NTM: variants seen among roughly 807,000 people sequenced by gnomAD.
NTM encodes neurotrimin, also known as IgLON family member 2.
NTM carries 13 observed loss-of-function variants against 42.1 expected under a neutral mutation model. The observed-to-expected ratio is 0.31, with a 90% confidence interval of 0.20 to 0.49. The LOEUF (loss-of-function observed/expected upper bound fraction) is 0.49, where lower values mean the gene tolerates loss of function less well. Ranked by LOEUF, NTM falls within the 20% of genes least tolerant of loss-of-function variation. The pLI, the probability that NTM is intolerant of heterozygous loss-of-function variation, is 0.99. For synonymous variants in NTM, 187 were observed against 179.2 expected, an observed-to-expected ratio of 1.04 and a Z score of -0.35; for missense variants, 373 against 452.8, an observed-to-expected ratio of 0.82 and a Z score of 1.60.
intron 1 of NTM, among the ~76,000 whole-genome samples, chr11:131,701,369 A>G (rs1388156361): frequency 6.6e-6 from 1 of 152,210 alleles, no homozygotes; most frequent in Non-Finnish European, 1.5e-5. Flanking sequence ...AGGACAGTAT[A>G]TGTTATTCCT....
intron 2 of NTM, among the ~76,000 whole-genome samples, chr11:132,022,284 T>C (rs2135535492): frequency 6.6e-6 from 1 of 152,336 alleles, no homozygotes; most frequent in Middle Eastern, 3.4e-3. Flanking sequence ...ACTGGAATGG[T>C]TGATTTTGTC....
chr11:132,083,299 G>C (rs1399893198), intron 2 of NTM, among the ~76,000 whole-genome samples: 2 of 152,142 alleles, frequency 1.3e-5, no homozygotes, highest in African/African-American at 2.4e-5. Flanking sequence ...CCTTATTTTT[G>C]TTAAAAACAA....
At chr11:131,824,113 A>T (rs1179654507) in intron 1 of NTM, among the ~76,000 whole-genome samples, 2 of 152,218 alleles carry the variant, frequency 1.3e-5, no homozygotes, top group East Asian at 1.9e-4. Flanking sequence ...GTTATAAATG[A>T]ATCTAACAGA....
At chr11:132,180,112 T>A (rs2077349881) in intron 3 of NTM, among the ~76,000 whole-genome samples, 1 of 152,198 alleles carries the variant, frequency 6.6e-6, no homozygotes, top group Admixed American at 6.5e-5. Flanking sequence ...GGATTGATTG[T>A]CTATGGAGAG....
intron 3 of NTM, among the ~76,000 whole-genome samples, chr11:132,199,489 G>A (rs1566451034): frequency 6.6e-6 from 1 of 152,202 alleles, no homozygotes; most frequent in Admixed American, 6.5e-5. Context: ...AATAGCAAGA[G>A]AAGATGCTGG....
intron 1 of NTM, among the ~76,000 whole-genome samples, chr11:131,684,479 C>G (rs907667127): frequency 6.6e-6 from 1 of 152,234 alleles, no homozygotes; most frequent in Admixed American, 6.5e-5. Flanking sequence ...CTGGTGCCCT[C>G]CCCAGCCTGC....
intron 1 of NTM, among the ~76,000 whole-genome samples, chr11:131,491,132 G>A: frequency 6.6e-6 from 1 of 152,168 alleles, no homozygotes; most frequent in East Asian, 1.9e-4. Context: ...AGTTTTTCAA[G>A]ACCAACATCC....
intron 1 of NTM, among the ~76,000 whole-genome samples, chr11:131,884,663 C>T (rs2050099102): frequency 6.6e-6 from 1 of 152,052 alleles, no homozygotes; most frequent in Non-Finnish European, 1.5e-5. Flanking sequence ...CCAGGGGAAA[C>T]ACCAAGAAGA....
intron 1 of NTM, among the ~76,000 whole-genome samples, chr11:131,591,319 C>T (rs1274196954): frequency 6.6e-6 from 1 of 152,202 alleles, no homozygotes; most frequent in Non-Finnish European, 1.5e-5. Flanking sequence ...CAAATGACTT[C>T]CCGCAGAGAC....
At chr11:131,973,480 G>A (rs1412206449) in intron 2 of NTM, among the ~76,000 whole-genome samples, 1 of 152,204 alleles carries the variant, frequency 6.6e-6, no homozygotes, top group African/African-American at 2.4e-5. Context: ...GAATCCCTAA[G>A]GGCAGGAGGG....
intron 1 of NTM, among the ~76,000 whole-genome samples, chr11:131,730,885 A>G (rs1406026897): frequency 1.3e-5 from 2 of 152,162 alleles, no homozygotes; most frequent in African/African-American, 2.4e-5. Context: ...AAAACAGTCC[A>G]TAGAAAGGTC....
chr11:131,628,368 C>A (rs376951661), intron 1 of NTM, among the ~76,000 whole-genome samples: 1 of 152,310 alleles, frequency 6.6e-6, no homozygotes, highest in East Asian at 1.9e-4. Flanking sequence ...ATAATAGGCC[C>A]GGCCCAGTAT....
intron 1 of NTM, among the ~76,000 whole-genome samples, chr11:131,611,162 G>A (rs1320690703): frequency 1.3e-5 from 2 of 152,154 alleles, no homozygotes; most frequent in Non-Finnish European, 2.9e-5. Flanking sequence ...TGGGTTTTTA[G>A]CCTTTGCACC....
intron 2 of NTM, among the ~76,000 whole-genome samples, chr11:132,021,446 T>A (rs897572184): frequency 7.9e-5 from 12 of 152,188 alleles, no homozygotes; most frequent in Non-Finnish European, 1.6e-4. Context: ...CTTGCATATC[T>A]CATACTTTTT....
intron 1 of NTM, among the ~76,000 whole-genome samples, chr11:131,675,232 T>C (rs2071168110): frequency 6.6e-6 from 1 of 152,234 alleles, no homozygotes; most frequent in Non-Finnish European, 1.5e-5. Flanking sequence ...TTATTAAGTA[T>C]ATTAAACAGC....
intron 2 of NTM, among the ~76,000 whole-genome samples, chr11:132,145,050 T>C (rs1394619895): frequency 6.6e-6 from 1 of 152,198 alleles, no homozygotes; most frequent in Non-Finnish European, 1.5e-5. Flanking sequence ...ACAAACCATT[T>C]TGAGAATCCA....
chr11:132,035,240 A>T (rs1565994868), intron 2 of NTM, among the ~76,000 whole-genome samples: 1 of 152,112 alleles, frequency 6.6e-6, no homozygotes, highest in Non-Finnish European at 1.5e-5. Context: ...CTACTTCCAT[A>T]GCTCTTGTTG....
chr11:131,967,652 A>G (rs959548155), intron 2 of NTM, among the ~76,000 whole-genome samples: 34 of 152,224 alleles, frequency 2.2e-4, no homozygotes, highest in African/African-American at 7.5e-4. Flanking sequence ...CACCAGATCA[A>G]TAGAGAAGAA....
intron 1 of NTM, among the ~76,000 whole-genome samples, chr11:131,567,194 T>TA (rs547260879): frequency 1.7e-4 from 26 of 151,756 alleles, no homozygotes; most frequent in South Asian, 4.2e-4. Context: ...GTGGGAAACC[T>TA]AAAAAAACCC....
Sources: allele counts gnomAD v4.1 joint callset (sites outside exome capture counted in the v4.1 genomes callset), GRCh38; gene constraint gnomAD v4.1.1; transcripts MANE v1.5; gene names NCBI Gene and HGNC (gene_info 2026-07-23, HGNC 2026-07-21).